Variants in DNAJC10 observed in about 807,000 individuals in gnomAD.
DNAJC10 encodes DnaJ heat shock protein family (Hsp40) member C10, also known as endoplasmic reticulum disulfide reductase DNAJC10.
Under a neutral mutation model 115.0 loss-of-function variants are expected in DNAJC10, and 101 were observed. The observed-to-expected ratio is 0.88, with a 90% CI of 0.75 to 1.04. The LOEUF is 1.04. Ranked by LOEUF, DNAJC10 falls within the 50% of genes least tolerant of loss-of-function variation. DNAJC10 has a pLI of 0.00. For synonymous variants in DNAJC10, 307 were observed against 301.5 expected (o/e 1.02, Z -0.19); for missense variants, 981 against 928.8 (o/e 1.06, Z -0.73).
chr2:182,758,954 A>T, intron 20 of DNAJC10, 64 bp downstream of exon 20: 1 of 1,278,264 alleles, frequency 7.8e-7, no homozygotes, highest in Non-Finnish European at 1.1e-6. Flanking sequence ...CCCCTTTTAT[A>T]TCAATAGTTA....
Position 182,793,398 on chromosome 2 carries a change from AAG to A in DNAJC10, c.*16270_*16271del, listed in dbSNP as rs1559037068. ...AGAACCAAAAAGAAGATCCTGGTAAAAGAGAAACTTTCAGCAAAATATATTTA... is the reference window on the plus strand; with the variant it reads ...AGAACCAAAAAGAAGATCCTGGTAAAAGAAACTTTCAGCAAAATATATTTA... On this transcript the variant is annotated 3_prime_UTR_variant, in exon 24 of 24. Transcript: ENST00000264065. 1 of 152,210 alleles carries A rather than the reference AAG, an allele frequency of 6.6e-6. No individual in the cohort carries two copies. Among genetic ancestry groups the A allele is most frequent in the African/African-American group, 2.4e-5 (1 of 41,452 alleles). The allele number at this position is 152,210 out of a possible 1,614,324, so 9.4% of individuals were successfully genotyped here. A position where few individuals can be genotyped will look rare whatever the true frequency, so the allele number is the denominator to read the frequency against.
At chr2:182,767,507 G>A (rs1694444363) in intron 22 of DNAJC10, among the ~76,000 whole-genome samples, 1 of 152,302 alleles carries the variant, frequency 6.6e-6, no homozygotes, top group East Asian at 1.9e-4. Context: ...CCTGATGGGA[G>A]TCAGGACTGT....
Position 182,788,905 on chromosome 2 carries a change from T to C in DNAJC10, c.*11773T>C. 2.3e-6 allele frequency: 1 copy of C among 433,256 alleles called. No homozygotes were observed. The highest frequency in any genetic ancestry group is 7.0e-5 in the East Asian group (1 of 14,274). 26.8% of individuals were successfully genotyped at this position (433,256 alleles called of 1,614,324 possible). A position where few individuals can be genotyped will look rare whatever the true frequency, so the allele number is the denominator to read the frequency against. On this transcript the variant is annotated 3_prime_UTR_variant, in exon 24 of 24. Transcript: ENST00000264065. ...AAACTCTTGATTCCTTTTAGAGTTT[T>C]TTAAATTGTGATAAAGTACATGTAA... is the stretch of plus-strand genomic sequence containing the variant.
chr2:182,770,208 G>C (rs1264475680), intron 22 of DNAJC10, among the ~76,000 whole-genome samples: 1 of 152,152 alleles, frequency 6.6e-6, no homozygotes, highest in East Asian at 1.9e-4. Flanking sequence ...TGCTGTTTTG[G>C]TTACTGTAGC....
At chr2:182,723,149 C>T (rs1341563336) in intron 5 of DNAJC10, among the ~76,000 whole-genome samples, 19 of 147,804 alleles carry the variant, frequency 1.3e-4, no homozygotes, top group Admixed American at 3.4e-4. Flanking sequence ...AAGCGATTCT[C>T]CTGCCTCAGC....
Position 182,790,455 on chromosome 2 carries a change from C to G in DNAJC10, c.*13323C>G, listed in dbSNP as rs1334117798. Reference sequence around the variant, plus strand: ...CTATATAAAATGTCAGATGTAAAAGCGAATATCTAATGAAGCACCTTTTCC... The same window carrying G: ...CTATATAAAATGTCAGATGTAAAAGGGAATATCTAATGAAGCACCTTTTCC... On this transcript the variant is annotated 3_prime_UTR_variant, in exon 24 of 24. Coordinates refer to ENST00000264065, the MANE Select transcript of DNAJC10 (RefSeq NM_018981.4). 1 of 152,016 alleles carries G rather than the reference C, an allele frequency of 6.6e-6. No individual in the cohort carries two copies. The highest frequency in any genetic ancestry group is 1.9e-4 in the East Asian group (1 of 5,186). 9.4% of individuals were successfully genotyped at this position (152,016 alleles called of 1,614,324 possible). A position where few individuals can be genotyped will look rare whatever the true frequency, so the allele number is the denominator to read the frequency against.
intron 22 of DNAJC10, among the ~76,000 whole-genome samples, chr2:182,767,013 CAAGT>C (rs1464726228): frequency 2.0e-5 from 3 of 152,100 alleles, no homozygotes; most frequent in African/African-American, 7.2e-5. Flanking sequence ...AGAAGGGAAT[CAAGT>C]AGAGAGAGGA....
chr2:182,739,568 C>A, intron 11 of DNAJC10: 3 of 1,222,006 alleles, frequency 2.5e-6, no homozygotes, highest in Non-Finnish European at 3.1e-6. Context: ...AGAATCAGAC[C>A]AGCAGAGAGA....
chr2:182,746,166 T>C (rs987917062), intron 14 of DNAJC10, among the ~76,000 whole-genome samples: 7 of 152,214 alleles, frequency 4.6e-5, no homozygotes, highest in African/African-American at 7.2e-5. Context: ...TTCCAAGTCT[T>C]TGCTATTGTG....
At chr2:182,758,946 C>A (rs1175254168) in intron 20 of DNAJC10, 56 bp downstream of exon 20, 1 of 1,306,136 alleles carries the variant, frequency 7.7e-7, no homozygotes, top group Admixed American at 1.8e-5. Flanking sequence ...CATTTACCCC[C>A]CTTTTATATC....
chr2:182,736,424 G>A lies in DNAJC10; in HGVS notation c.987+38G>A, dbSNP rs373926859. On this transcript the variant is annotated intron_variant, in intron 11 of 23. Coordinates refer to ENST00000264065, the MANE Select transcript of DNAJC10 (RefSeq NM_018981.4). Reference sequence around the variant, plus strand: ...TTAAACTAATTTATTTACATATAATGTGCAAACACCCTCAAAAATAATACA... The same window carrying A: ...TTAAACTAATTTATTTACATATAATATGCAAACACCCTCAAAAATAATACA... The A allele has an allele frequency of 2.0e-5, 28 of 1,393,698 alleles. 1 individual carries two copies. The highest frequency in any genetic ancestry group is 3.8e-4 in the Middle Eastern group (2 of 5,198). The allele number at this position is 1,393,698 out of a possible 1,614,324, so 86.3% of individuals were successfully genotyped here.
At chr2:182,756,293 T>G in intron 17 of DNAJC10, 21 bp from the exon 18 acceptor site, 1 of 1,596,010 alleles carries the variant, frequency 6.3e-7, no homozygotes, top group South Asian at 1.1e-5. Flanking sequence ...TATGTTATAA[T>G]GGAAGCTATA....
intron 16 of DNAJC10, chr2:182,754,761 C>T: frequency 8.2e-7 from 1 of 1,218,520 alleles, no homozygotes; most frequent in Non-Finnish European, 1.0e-6. Flanking sequence ...TGTTTCAATG[C>T]CTATGGTTCT....
chr2:182,762,824 TC>T (rs778734390), intron 22 of DNAJC10, 23 bp downstream of exon 22: 22 of 1,605,224 alleles, frequency 1.4e-5, no homozygotes, highest in Non-Finnish European at 1.9e-5. Context: ...TTTCCTCTGT[TC>T]CTTCCCTTAG....
intron 21 of DNAJC10, among the ~76,000 whole-genome samples, chr2:182,762,429 G>C (rs2105688732): frequency 6.6e-6 from 1 of 152,214 alleles, no homozygotes; most frequent in East Asian, 1.9e-4. Flanking sequence ...GCAGGAAGAA[G>C]TTGAGACATT....
At chr2:182,735,962 T>A (rs1263979527) in intron 10 of DNAJC10, among the ~76,000 whole-genome samples, 1 of 152,142 alleles carries the variant, frequency 6.6e-6, no homozygotes, top group Non-Finnish European at 1.5e-5. Flanking sequence ...AAATTGTAAA[T>A]GTCGTTTTTT....
chr2:182,770,294 A>G (rs965015506), intron 22 of DNAJC10, among the ~76,000 whole-genome samples: 9 of 152,038 alleles, frequency 5.9e-5, no homozygotes, highest in East Asian at 1.9e-4. Context: ...TCTTGGCAAT[A>G]CGGGCTCTTT....
chr2:182,774,725 G>C (rs1694658077), intron 22 of DNAJC10, among the ~76,000 whole-genome samples: 1 of 152,242 alleles, frequency 6.6e-6, no homozygotes, highest in Admixed American at 6.5e-5. Context: ...ATTTGGGCGA[G>C]AGTGTCCCGT....
chr2:182,733,134 G>A (rs144646841), intron 10 of DNAJC10, among the ~76,000 whole-genome samples: 4 of 151,856 alleles, frequency 2.6e-5, no homozygotes, highest in Non-Finnish European at 5.9e-5. Flanking sequence ...ATTTCTAAGA[G>A]GGATGTATTA....
Sources: allele counts gnomAD v4.1 joint callset (sites outside exome capture counted in the v4.1 genomes callset), GRCh38; gene constraint gnomAD v4.1.1; transcripts MANE v1.5; gene names NCBI Gene and HGNC (gene_info 2026-07-23, HGNC 2026-07-21).